ANKRD45: variants seen among roughly 807,000 people sequenced by gnomAD.
ANKRD45 encodes the protein ankyrin repeat domain 45.
A neutral mutation model predicts 28.1 loss-of-function variants in ANKRD45; 21 were observed. The observed-to-expected ratio is 0.75, with a 90% CI of 0.53 to 1.08. The LOEUF (loss-of-function observed/expected upper bound fraction) is 1.08. ANKRD45 is among the 50% of genes least tolerant of loss of function. ANKRD45 has a pLI of 0.00. For missense variants in ANKRD45, 261 were observed against 308.7 expected (o/e 0.85, Z 1.16); for synonymous variants, 86 against 103.9 (o/e 0.83, Z 1.05).
chr1:173,657,622 C>CCTCTTTTT (rs1558143804), intron 2 of ANKRD45: 2 of 45,990 alleles, frequency 4.3e-5, no homozygotes, highest in Non-Finnish European at 1.2e-4. Flanking sequence ...CTTTCTTCTT[C>CCTCTTTTT]TTCTTTTTTT....
At chr1:173,648,162 T>C in intron 2 of ANKRD45, among the ~76,000 whole-genome samples, 1 of 152,018 alleles carries the variant, frequency 6.6e-6, no homozygotes, top group East Asian at 1.9e-4. Context: ...ATGGTCTTGA[T>C]CTCTTGACCT....
intron 2 of ANKRD45, among the ~76,000 whole-genome samples, chr1:173,654,389 G>C (rs1387755063): frequency 6.6e-5 from 10 of 152,136 alleles, no homozygotes. Flanking sequence ...ATTCTGGGTT[G>C]AAAATTCTTT....
intron 5 of ANKRD45, among the ~76,000 whole-genome samples, chr1:173,617,220 T>C (rs1667500852): frequency 6.6e-6 from 1 of 151,952 alleles, no homozygotes; most frequent in Non-Finnish European, 1.5e-5. Flanking sequence ...AGGAGATCCA[T>C]TTATATGCTC....
chr1:173,642,096 CAA>C (rs1668728717), intron 3 of ANKRD45, among the ~76,000 whole-genome samples: 1 of 152,144 alleles, frequency 6.6e-6, no homozygotes, highest in African/African-American at 2.4e-5. Flanking sequence ...GGAACTATAA[CAA>C]GAGTGCTACA....
At chr1:173,700,241 A>G in the ANKRD45 span, among the ~76,000 whole-genome samples, 1 of 152,232 alleles carries the variant, frequency 6.6e-6, no homozygotes, top group Non-Finnish European at 1.5e-5. Context: ...AAATGGCCAT[A>G]CTGCCCAAGG....
intron 3 of ANKRD45, 93 bp from the exon 4 acceptor site, chr1:173,627,252 C>G (rs186745950): frequency 6.7e-4 from 520 of 771,024 alleles, no homozygotes; most frequent in Non-Finnish European, 9.8e-4. Flanking sequence ...CCACCCCACC[C>G]CACAGAAACA....
intron 5 of ANKRD45, among the ~76,000 whole-genome samples, chr1:173,621,556 C>T (rs985446646): frequency 1.3e-5 from 2 of 152,088 alleles, no homozygotes; most frequent in African/African-American, 4.8e-5. Context: ...AGACAAAAAC[C>T]ACATGATTAT....
At chr1:173,688,357 T>C in the ANKRD45 span, among the ~76,000 whole-genome samples, 1 of 148,830 alleles carries the variant, frequency 6.7e-6, no homozygotes, top group Non-Finnish European at 1.5e-5. Flanking sequence ...TGACTCCCTC[T>C]CTCTCTCTCT....
At chr1:173,683,461 G>T in the ANKRD45 span, among the ~76,000 whole-genome samples, 8 of 152,060 alleles carry the variant, frequency 5.3e-5, no homozygotes, top group East Asian at 1.3e-3. Flanking sequence ...AACAAAAAGA[G>T]TTGTATAGCA....
At chr1:173,615,155 G>A (rs1321057542) in intron 5 of ANKRD45, among the ~76,000 whole-genome samples, 1 of 151,844 alleles carries the variant, frequency 6.6e-6, no homozygotes, top group Non-Finnish European at 1.5e-5. Context: ...CCCAGACCGG[G>A]CGCGGTGGCT....
At chr1:173,653,441 G>C (rs1038638669) in intron 2 of ANKRD45, among the ~76,000 whole-genome samples, 3 of 152,190 alleles carry the variant, frequency 2.0e-5, no homozygotes, top group Admixed American at 2.0e-4. Flanking sequence ...GTTCTAATTT[G>C]ATTGCACTGT....
intron 5 of ANKRD45, among the ~76,000 whole-genome samples, chr1:173,621,486 G>T (rs1401804153): frequency 6.6e-6 from 1 of 152,192 alleles, no homozygotes; most frequent in Non-Finnish European, 1.5e-5. Context: ...TCTCCAGGAT[G>T]CAAGGTTGGT....
upstream of ANKRD45, chr1:173,669,892 G>A (rs1248417055): frequency 5.9e-6 from 1 of 169,560 alleles, no homozygotes; most frequent in Non-Finnish European, 1.5e-5. Context: ...CCTGCGCCGC[G>A]GTTCCGGCAG....
chr1:173,650,484 C>A (rs61826764), intron 2 of ANKRD45, among the ~76,000 whole-genome samples: 24,560 of 152,228 alleles, frequency 0.16, 2,223 homozygotes, highest in Middle Eastern at 0.32. Flanking sequence ...GCCACATTTT[C>A]ATAATCCAGT....
chr1:173,694,690 A>AC, the ANKRD45 span, among the ~76,000 whole-genome samples: 32 of 151,990 alleles, frequency 2.1e-4, no homozygotes, highest in Middle Eastern at 6.8e-3. Context: ...CCCAATACAC[A>AC]GTTTTGCATC....
At chr1:173,687,986 C>CTTTTTTT in the ANKRD45 span, among the ~76,000 whole-genome samples, 1 of 128,614 alleles carries the variant, frequency 7.8e-6, no homozygotes, top group African/African-American at 2.8e-5. Context: ...AATGTTGAAT[C>CTTTTTTT]TTTTTTTTTT....
At chr1:173,709,731 A>T in the ANKRD45 span, among the ~76,000 whole-genome samples, 1 of 152,040 alleles carries the variant, frequency 6.6e-6, no homozygotes, top group Non-Finnish European at 1.5e-5. Flanking sequence ...TCCTGAGCTC[A>T]AGTGATCCTC....
chr1:173,641,743 C>T (rs984079076), intron 3 of ANKRD45, among the ~76,000 whole-genome samples: 1 of 152,140 alleles, frequency 6.6e-6, no homozygotes, highest in Non-Finnish European at 1.5e-5. Context: ...GTCCTTTGAT[C>T]CTCAGGTTTA....
the ANKRD45 span, among the ~76,000 whole-genome samples, chr1:173,705,580 C>T: frequency 6.6e-6 from 1 of 150,690 alleles, no homozygotes; most frequent in African/African-American, 2.4e-5. Flanking sequence ...GGCAGGAGAA[C>T]TCCTTGAGCC....
Sources: allele counts gnomAD v4.1 joint callset (sites outside exome capture counted in the v4.1 genomes callset), GRCh38; gene constraint gnomAD v4.1.1; transcripts MANE v1.5; gene names NCBI Gene and HGNC (gene_info 2026-07-23, HGNC 2026-07-21).